Variants in BTBD8 observed in about 807,000 individuals in gnomAD.
BTBD8 encodes BTB/POZ domain-containing protein 8.
A neutral mutation model predicts 162.9 loss-of-function variants in BTBD8; 110 were observed. The ratio of observed to expected loss-of-function variants is 0.68; its 90% CI spans 0.58 to 0.79. The LOEUF (loss-of-function observed/expected upper bound fraction) is 0.79. BTBD8 is among the 30% of genes least tolerant of loss of function. The pLI is 0.00. For missense variants in BTBD8, 1,905 were observed against 2,085.4 expected (o/e 0.91, Z 1.68); for synonymous variants, 667 against 716.1 (o/e 0.93, Z 1.10).
At chr1:92,148,414 G>A (rs1649974607) in intron 9 of BTBD8, among the ~76,000 whole-genome samples, 1 of 152,152 alleles carries the variant, frequency 6.6e-6, no homozygotes, top group Non-Finnish European at 1.5e-5. Context: ...GAATTCACTG[G>A]TCTTAGAAAG....
chr1:92,108,141 A>G, intron 4 of BTBD8, 140 bp downstream of exon 4: 1 of 797,428 alleles, frequency 1.3e-6, no homozygotes, highest in Non-Finnish European at 2.1e-6. Context: ...AAGGGGTTCC[A>G]CTGTGATTCC....
At chr1:92,102,242 C>G (rs1211824183) in intron 2 of BTBD8, among the ~76,000 whole-genome samples, 2 of 152,102 alleles carry the variant, frequency 1.3e-5, no homozygotes, top group Non-Finnish European at 2.9e-5. Flanking sequence ...TGATCTTGAA[C>G]TCCTGACCTC....
At chr1:92,096,537 A>G (rs1350155206) in intron 2 of BTBD8, among the ~76,000 whole-genome samples, 3 of 151,002 alleles carry the variant, frequency 2.0e-5, no homozygotes, top group African/African-American at 7.3e-5. Flanking sequence ...ACTACATGCA[A>G]TCACCTATAT....
At position 92,166,424 on chromosome 1, in the gene BTBD8, CTT is replaced by C. The variant is rs35849731; in HGVS notation, c.1123-517_1123-516del. ...TATTTTAGCTACTTTTCTTTTCTTTCTTTTTTTTTTTTTTTTTTGAGATGGAG... is the reference window on the plus strand; with the variant it reads ...TATTTTAGCTACTTTTCTTTTCTTTCTTTTTTTTTTTTTTTTGAGATGGAG... On this transcript the variant is annotated intron_variant, in intron 9 of 17. Coordinates refer to ENST00000636805, the MANE Select transcript of BTBD8 (RefSeq NM_001376131.1). Among the ~76,000 whole-genome samples the C allele has an allele frequency of 1.7e-3, 208 of 120,404 alleles. 1 individual carries two copies. The highest frequency in any genetic ancestry group is 5.9e-3 in the African/African-American group (188 of 31,694). 79.0% of individuals were successfully genotyped at this position (120,404 alleles called of 152,430 possible). A position where few individuals can be genotyped will look rare whatever the true frequency, so the allele number is the denominator to read the frequency against.
intron 2 of BTBD8, among the ~76,000 whole-genome samples, chr1:92,090,897 A>C (rs1648276962): frequency 6.6e-6 from 1 of 152,112 alleles, no homozygotes; most frequent in Non-Finnish European, 1.5e-5. Flanking sequence ...GTGCCACTGC[A>C]CTCCAGCTTG....
chr1:92,118,132 G>T (rs1649094457), intron 4 of BTBD8, among the ~76,000 whole-genome samples: 1 of 151,734 alleles, frequency 6.6e-6, no homozygotes, highest in Non-Finnish European at 1.5e-5. Flanking sequence ...TCAATACATT[G>T]TTATTAACTA....
At chr1:92,124,946 G>A (rs1649313420) in intron 4 of BTBD8, among the ~76,000 whole-genome samples, 1 of 151,806 alleles carries the variant, frequency 6.6e-6, no homozygotes, top group South Asian at 2.1e-4. Context: ...ATTTAGAGTT[G>A]TCCCTATTTT....
intron 17 of BTBD8, among the ~76,000 whole-genome samples, chr1:92,182,856 G>T (rs1427261321): frequency 6.6e-6 from 1 of 151,820 alleles, no homozygotes; most frequent in East Asian, 1.9e-4. Context: ...TTAAATGAAA[G>T]AATAAAAAGA....
chr1:92,139,109 C>T (rs985734378), intron 5 of BTBD8, among the ~76,000 whole-genome samples: 2 of 152,044 alleles, frequency 1.3e-5, no homozygotes, highest in Admixed American at 6.5e-5. Context: ...TGGTAGAAGA[C>T]GCTCAATAAA....
chr1:92,182,276 A>G lies in BTBD8; in HGVS notation c.4593A>G (p.Ser1531=). 6.4e-7 allele frequency: 1 copy of G among 1,551,398 alleles called. No homozygotes were observed. The highest frequency in any genetic ancestry group is 2.0e-5 in the Admixed American group (1 of 50,988). ...CAAGAAAAAATAAACAGAGTGTTTC[A>G]GCCACAGAAAAAAAGAACACAATAG... ...DSSRKNKQSV[S]ATEKKNTIDV... is the part of the protein sequence containing the mutation. Residue 1531 remains serine, a synonymous_variant, in exon 17 of 18, where the codon TCA becomes TCG. Coordinates refer to ENST00000636805, the MANE Select transcript of BTBD8 (RefSeq NM_001376131.1).
At chr1:92,095,048 AG>A (rs1221158644) in intron 2 of BTBD8, among the ~76,000 whole-genome samples, 1 of 152,080 alleles carries the variant, frequency 6.6e-6, no homozygotes, top group Admixed American at 6.6e-5. Flanking sequence ...TTGGGGGAAA[AG>A]ACTGCCCCTC....
In BTBD8 at chr1:92,168,978, A is replaced by G; in HGVS notation, c.1556A>G (p.Gln519Arg). The change falls in exon 12 of 18, where the codon CAA becomes CGA. Residue 519 changes from glutamine to arginine, a missense_variant. Gln to Arg is a conservative substitution (Grantham distance 43, BLOSUM62 1). Around this residue, in one of 3 missense-constraint regions of BTBD8, gnomAD observed 1,374 missense variants for 1,442.7 expected, o/e 0.95. Transcript: ENST00000636805. The stretch of plus-strand genomic sequence containing the variant: ...TGGAAGCTGATGAGCACAGATGATC[A>G]ACAGAAAATCCAAGCAGGTACGTTA... ...ESWKLMSTDD[Q>R]QKIQAAAFDK... The G allele has an allele frequency of 6.5e-7, 1 of 1,531,460 alleles. No homozygotes were observed. Among genetic ancestry groups the G allele is most frequent in the South Asian group, 1.2e-5 (1 of 81,808 alleles). The allele number at this position is 1,531,460 out of a possible 1,614,324, so 94.9% of individuals were successfully genotyped here.
chr1:92,173,479 G>A (rs1015107867), intron 13 of BTBD8, among the ~76,000 whole-genome samples: 1 of 152,114 alleles, frequency 6.6e-6, no homozygotes, highest in Admixed American at 6.5e-5. Context: ...CCAGGAATTA[G>A]CCTACTTGCC....
At chr1:92,128,013 T>C (rs1649405497) in intron 4 of BTBD8, among the ~76,000 whole-genome samples, 1 of 152,228 alleles carries the variant, frequency 6.6e-6, no homozygotes, top group South Asian at 2.1e-4. Flanking sequence ...CATTTATTTC[T>C]CTAGCAAACT....
At chr1:92,140,581 T>C (rs953698238) in intron 6 of BTBD8, among the ~76,000 whole-genome samples, 1 of 152,234 alleles carries the variant, frequency 6.6e-6, no homozygotes, top group African/African-American at 2.4e-5. Flanking sequence ...AATTTTGTCA[T>C]TCTTTCAAAG....
intron 9 of BTBD8, among the ~76,000 whole-genome samples, chr1:92,149,446 T>TA (rs1205151420): frequency 2.0e-5 from 3 of 152,216 alleles, no homozygotes; most frequent in Non-Finnish European, 1.5e-5. Flanking sequence ...GCATGACTGT[T>TA]ACTTTCTCCA....
intron 9 of BTBD8, among the ~76,000 whole-genome samples, chr1:92,149,029 A>G (rs1311613072): frequency 6.6e-6 from 1 of 152,182 alleles, no homozygotes; most frequent in Admixed American, 6.5e-5. Flanking sequence ...CAGATAAGAA[A>G]CTATGAACAG....
At chr1:92,123,991 C>T (rs1276300679) in intron 4 of BTBD8, among the ~76,000 whole-genome samples, 3 of 151,986 alleles carry the variant, frequency 2.0e-5, no homozygotes, top group Admixed American at 2.0e-4. Flanking sequence ...AGAATGTGGC[C>T]GTTCGGGATC....
chr1:92,181,264 A>AC lies in BTBD8; in HGVS notation c.3582dup (p.Ser1195LeufsTer19). The AC allele has an allele frequency of 6.4e-7, 1 of 1,551,730 alleles. No individual in the cohort carries two copies. The highest frequency in any genetic ancestry group is 8.7e-7 in the Non-Finnish European group (1 of 1,147,000). ...GATGAAGACAAACATGCTACAGCAG[A>AC]CTCAGATGTATCTTCCAAGTGTTTT... On this transcript the variant is annotated frameshift_variant, in exon 17 of 18. Transcript: ENST00000636805. LOFTEE classifies it high-confidence loss of function.
Sources: gnomAD v4.1 joint callset for allele counts (sites outside exome capture counted in the v4.1 genomes callset) on GRCh38, gnomAD v4.1.1 for gene constraint, gnomAD v4.1.1 regional missense constraint, MANE v1.5 for transcripts, NCBI Gene and HGNC (gene_info 2026-07-23, HGNC 2026-07-21) for gene names.